NRDC: variants seen among roughly 807,000 people sequenced by gnomAD.
The protein encoded by NRDC is nardilysin.
Under a neutral mutation model 147.1 loss-of-function variants are expected in NRDC, and 54 were observed. The ratio of observed to expected loss-of-function variants is 0.37; its 90% CI spans 0.29 to 0.46. NRDC has a LOEUF of 0.46. NRDC is among the 20% of genes least tolerant of loss of function. NRDC has a pLI of 1.00. For missense variants in NRDC, 1,082 were observed against 1,370.6 expected (o/e 0.79, Z 3.33); for synonymous variants, 440 against 482.1 (o/e 0.91, Z 1.14).
At chr1:51,801,977 C>G (rs528387794) in intron 20 of NRDC, among the ~76,000 whole-genome samples, 1 of 152,024 alleles carries the variant, frequency 6.6e-6, no homozygotes, top group African/African-American at 2.4e-5. Flanking sequence ...TTAGTAGAGA[C>G]GGGGTTTCAC....
intron 1 of NRDC, among the ~76,000 whole-genome samples, chr1:51,847,917 C>CTCACA (rs1557928923): frequency 1.3e-5 from 2 of 152,244 alleles, no homozygotes; most frequent in Admixed American, 6.5e-5. Flanking sequence ...GCTGCCAGCA[C>CTCACA]GCTGTCACCT....
intron 2 of NRDC, chr1:51,839,977 G>A: frequency 3.0e-6 from 1 of 331,008 alleles, no homozygotes; most frequent in Non-Finnish European, 5.4e-6. Context: ...GATTACCTCT[G>A]AGAGATATAG....
At position 51,805,457 on chromosome 1, in the gene NRDC, A is replaced by C. The variant is rs548427504; in HGVS notation, c.2162+53T>G. The C allele has an allele frequency of 2.9e-5, 37 of 1,289,094 alleles. No individual in the cohort carries two copies. The African/African-American group carries it at 4.4e-4, about 15-fold the overall frequency. The allele number at this position is 1,289,094 out of a possible 1,614,324, so 79.9% of individuals were successfully genotyped here. On this transcript the variant is annotated intron_variant, in intron 19 of 30. Coordinates refer to ENST00000352171, the MANE Select transcript of NRDC (RefSeq NM_001101662.2). ...AGAATGATTTAGAATGAAACAAAAT[A>C]GTTTTTCAATAACTAAAAAATGTAT...
At chr1:51,810,203 CATTAAATT>C in intron 16 of NRDC, 70 bp downstream of exon 16, 1 of 1,140,240 alleles carries the variant, frequency 8.8e-7, no homozygotes, top group South Asian at 1.9e-5. Context: ...CCTCTAGAAC[CATTAAATT>C]ATTAAAGAAT....
intron 1 of NRDC, among the ~76,000 whole-genome samples, chr1:51,847,064 C>T (rs551475616): frequency 1.3e-5 from 2 of 152,110 alleles, no homozygotes; most frequent in South Asian, 4.2e-4. Flanking sequence ...TTTAGCTAGA[C>T]ATAAAGGTTC....
chr1:51,846,421 T>C (rs1327235997), intron 1 of NRDC, among the ~76,000 whole-genome samples: 5 of 152,212 alleles, frequency 3.3e-5, no homozygotes, highest in African/African-American at 9.6e-5. Context: ...GCCGACACTT[T>C]ATAATTCTTA....
At chr1:51,846,797 T>C (rs1174296391) in intron 1 of NRDC, among the ~76,000 whole-genome samples, 2 of 152,226 alleles carry the variant, frequency 1.3e-5, no homozygotes, top group Non-Finnish European at 2.9e-5. Flanking sequence ...ACCCACATCC[T>C]GCTGATTGGT....
chr1:51,806,316 T>C (rs889799014), intron 18 of NRDC, among the ~76,000 whole-genome samples: 4 of 152,212 alleles, frequency 2.6e-5, no homozygotes, highest in African/African-American at 9.6e-5. Context: ...TGTATTCTTA[T>C]CTCTTTTTAA....
intron 18 of NRDC, 37 bp from the exon 19 acceptor site, chr1:51,805,598 G>A (rs756601892): frequency 3.0e-6 from 4 of 1,340,278 alleles, no homozygotes; most frequent in Non-Finnish European, 4.1e-6. Context: ...AAAGGTTAGG[G>A]GCCTCAGATA....
At chr1:51,800,531 A>G (rs544677939) in intron 21 of NRDC, 25 bp downstream of exon 21, 11 of 1,612,712 alleles carry the variant, frequency 6.8e-6, no homozygotes, top group African/African-American at 1.3e-5. Flanking sequence ...TCCTCAAAAT[A>G]TAAGCTCATC....
chr1:51,877,902 C>T (rs1683412761), intron 1 of NRDC: 1 of 515,012 alleles, frequency 1.9e-6, no homozygotes, highest in Non-Finnish European at 2.7e-6. Context: ...GATAATATGC[C>T]CCTTAAATAT....
chr1:51,833,775 A>C (rs1230087928), intron 4 of NRDC, among the ~76,000 whole-genome samples: 8 of 151,994 alleles, frequency 5.3e-5, no homozygotes, highest in African/African-American at 1.9e-4. Context: ...TGCTTGGCTA[A>C]TTTTTTATTT....
rs1406846011 is a variant in NRDC at position 51,821,564 on chromosome 1, G to T, written c.1160-9C>A. On this transcript the variant is annotated splice_polypyrimidine_tract_variant and intron_variant, in intron 7 of 30. Transcript: ENST00000352171. ...CAAAGTATCCAGTGTTTCTTGAGAG[G>T]GGAGGGCAGGGAAGAGACAGGAAAA... 4 of 1,591,512 alleles carry T rather than the reference G, an allele frequency of 2.5e-6. No individual in the cohort carries two copies. Among genetic ancestry groups the T allele is most frequent in the Admixed American group, 3.3e-5 (2 of 59,848 alleles).
chr1:51,839,526 T>C (rs954915445), intron 2 of NRDC, among the ~76,000 whole-genome samples: 3 of 152,186 alleles, frequency 2.0e-5, no homozygotes, highest in Non-Finnish European at 4.4e-5. Context: ...CCGAAAATTA[T>C]CCTCTGGGTA....
chr1:51,857,008 C>A (rs936444081), intron 1 of NRDC, among the ~76,000 whole-genome samples: 2 of 151,536 alleles, frequency 1.3e-5, no homozygotes, highest in African/African-American at 4.9e-5. Context: ...CCTGACACAC[C>A]CAACATTGTA....
chr1:51,856,237 A>G (rs980744925), intron 1 of NRDC, among the ~76,000 whole-genome samples: 11 of 152,184 alleles, frequency 7.2e-5, no homozygotes, highest in Admixed American at 6.5e-4. Flanking sequence ...ATACTACTAC[A>G]ATGGTCAGCA....
At chr1:51,852,746 T>G (rs1682037539) in intron 1 of NRDC, among the ~76,000 whole-genome samples, 1 of 152,062 alleles carries the variant, frequency 6.6e-6, no homozygotes, top group South Asian at 2.1e-4. Context: ...AATTGCCTTT[T>G]TGTTATGCTT....
rs539912276 is a variant in NRDC at position 51,840,299 on chromosome 1, A to T, written c.557T>A (p.Leu186His). The change falls in exon 2 of 31, where the codon CTT (leucine) becomes CAT (histidine). Residue 186 changes from leucine (L) to histidine (H), a missense_variant. Leu to His is a moderately conservative substitution (Grantham distance 99). Coordinates refer to ENST00000352171, the MANE Select transcript of NRDC (RefSeq NM_001101662.2). ...DEFDDEHDDD[L>H]DTEDNELEEL... ...TTCCAATTCATTATCCTCAGTATCAAGATCATCATCATGTTCATCATCAAA... is the reference window on the plus strand; with the variant it reads ...TTCCAATTCATTATCCTCAGTATCATGATCATCATCATGTTCATCATCAAA... 2.3e-5 allele frequency: 36 copies of T among 1,589,996 alleles called. No homozygotes were observed. The South Asian group carries it at 4.0e-4, about 18-fold the overall frequency.
At chr1:51,873,388 C>A (rs1278324202) in intron 1 of NRDC, among the ~76,000 whole-genome samples, 1 of 152,134 alleles carries the variant, frequency 6.6e-6, no homozygotes, top group Non-Finnish European at 1.5e-5. Flanking sequence ...TCCTGTTCCA[C>A]AGCATATAAT....
Sources: allele counts gnomAD v4.1 joint callset (sites outside exome capture counted in the v4.1 genomes callset), GRCh38; gene constraint gnomAD v4.1.1; transcripts MANE v1.5; gene names NCBI Gene and HGNC (gene_info 2026-07-23, HGNC 2026-07-21).